The following ABCA8 variants were observed in gnomAD, a reference collection of about 807,000 sequenced individuals.
The protein encoded by ABCA8 is ABC-type organic anion transporter ABCA8.
In ABCA8, 177 loss-of-function variants were observed where a neutral mutation model predicts 192.3. The ratio of observed to expected loss-of-function variants is 0.92; its 90% CI spans 0.81 to 1.04. ABCA8 has a LOEUF of 1.04. ABCA8 is among the 50% of genes least tolerant of loss of function. The probability of loss-of-function intolerance (pLI) is 0.00; values close to 1 mark genes in which losing one functional copy is unlikely to be tolerated. For synonymous variants in ABCA8, 642 were observed against 690.2 expected, an observed-to-expected ratio of 0.93 and a Z score of 1.09; for missense variants, 1,915 against 1,904.8, an observed-to-expected ratio of 1.01 and a Z score of -0.10.
chr17:68,951,831 G>A (rs1156822387), intron 1 of ABCA8, among the ~76,000 whole-genome samples: 1 of 152,094 alleles, frequency 6.6e-6, no homozygotes, highest in Non-Finnish European at 1.5e-5. Context: ...AACTATCAAT[G>A]CATTATGTTT....
intron 24 of ABCA8, among the ~76,000 whole-genome samples, chr17:68,890,391 T>C (rs1339512542): frequency 6.6e-6 from 1 of 152,242 alleles, no homozygotes; most frequent in African/African-American, 2.4e-5. Flanking sequence ...AAAAATTAGG[T>C]TATCCTCTAT....
chr17:68,944,359 T>TACATACATAC (rs1555619474), intron 2 of ABCA8, among the ~76,000 whole-genome samples: 7 of 69,464 alleles, frequency 1.0e-4, no homozygotes, highest in African/African-American at 3.8e-4. Context: ...TATATATATA[T>TACATACATAC]ACACATATAC....
At position 68,919,462 on chromosome 17, in the gene ABCA8, A is replaced by G. The variant is rs1253080716; in HGVS notation, c.1627T>C (p.Tyr543His). ...SVPTKGSVTIYNNKLSEMADL... is the reference protein window; with the variant it reads ...SVPTKGSVTIHNNKLSEMADL... ...GCCATTTCTGAAAGCTTATTGTTAT[A>G]GATGGTGACTGAACCTGTAACAAAG... Residue 543 changes from tyrosine to histidine, a missense_variant, in exon 14 of 40, where the codon TAT becomes CAT. By Grantham distance (83) the Tyr-to-His change is moderately conservative. Transcript: ENST00000586539. 3 of 1,613,468 alleles carry G rather than the reference A, an allele frequency of 1.9e-6. No individual in the cohort carries two copies. Among genetic ancestry groups the G allele is most frequent in the Admixed American group, 1.7e-5 (1 of 59,904 alleles).
rs1389620170 is a variant in ABCA8 at position 68,877,628 on chromosome 17, A to G, written c.4090T>C (p.Cys1364Arg). ...GGCCACAGCGCGTTCTCCTGAGGGC[A>G]GTACCCCAGGAACTCCAGGGCATCC... ...GGDALEFLGY[C>R]PQENALWPNL... The change falls in exon 33 of 40, where the codon TGC (cysteine) becomes CGC (arginine). Residue 1364 changes from cysteine to arginine, a missense_variant. By Grantham distance (180) the Cys-to-Arg change is radical. Transcript: ENST00000586539. 8.7e-6 allele frequency: 14 copies of G among 1,613,836 alleles called. No individual in the cohort carries two copies. The highest frequency in any genetic ancestry group is 1.7e-5 in the Admixed American group (1 of 60,002).
Position 68,885,310 on chromosome 17 carries a change from A to T in ABCA8, c.3435T>A (p.Thr1145=), listed in dbSNP as rs1416285580. Residue 1145 remains threonine (T), a synonymous_variant, in exon 27 of 40, where the codon ACT becomes ACA. Coordinates refer to ENST00000586539, the MANE Select transcript of ABCA8 (RefSeq NM_001288985.2). ...ACGCAAATCCAGCCACAGAGAATAC[A>T]GTGACCTAAAAGAAGCAAATATGAA... ...GIWSFCFYVV[T]VFSVAGFAFS... is the part of the protein sequence containing the mutation. 1.9e-6 allele frequency: 3 copies of T among 1,609,862 alleles called. No homozygotes were observed. Among genetic ancestry groups the T allele is most frequent in the Non-Finnish European group, 2.5e-6 (3 of 1,178,656 alleles).
chr17:68,903,166 C>T, intron 20 of ABCA8, 135 bp downstream of exon 20: 6 of 960,368 alleles, frequency 6.2e-6, no homozygotes, highest in East Asian at 2.5e-5. Context: ...TCCTGTGCTT[C>T]TTCCACTGTG....
Position 68,919,402 on chromosome 17 carries a change from A to C in ABCA8, c.1687T>G (p.Cys563Gly), listed in dbSNP as rs778481005. ...LENLSKLTGV[C>G]PQSNVQFDFL... ...TCAAATTGCACATTGGATTGTGGAC[A>C]AACTCCGGTCAGCTTGCTGAGATTT... The change falls in exon 14 of 40, where the codon TGT (cysteine) becomes GGT (glycine). Residue 563 changes from cysteine to glycine, a missense_variant. By Grantham distance (159) the Cys-to-Gly change is radical. Coordinates refer to ENST00000586539, the MANE Select transcript of ABCA8 (RefSeq NM_001288985.2). 3 of 1,614,104 alleles carry C rather than the reference A, an allele frequency of 1.9e-6. No homozygotes were observed. In the East Asian group the frequency reaches 6.7e-5, roughly 36 times the overall value.
intron 21 of ABCA8, among the ~76,000 whole-genome samples, chr17:68,898,914 C>T (rs2066834348): frequency 1.3e-5 from 2 of 151,878 alleles, no homozygotes; most frequent in African/African-American, 2.4e-5. Flanking sequence ...TACATTGGTA[C>T]AATTATTACT....
chr17:68,915,812 A>G (rs2067343044), intron 17 of ABCA8, among the ~76,000 whole-genome samples: 1 of 152,160 alleles, frequency 6.6e-6, no homozygotes, highest in South Asian at 2.1e-4. Context: ...ATGTCAAGGA[A>G]ATATCTGCAC....
chr17:68,870,902 A>C (rs1212513040), intron 37 of ABCA8, among the ~76,000 whole-genome samples: 1 of 152,110 alleles, frequency 6.6e-6, no homozygotes, highest in Non-Finnish European at 1.5e-5. Flanking sequence ...TATTTTTGAT[A>C]TTTTGAGAAT....
At chr17:68,933,559 T>C (rs1194070764) in intron 5 of ABCA8, among the ~76,000 whole-genome samples, 1 of 152,198 alleles carries the variant, frequency 6.6e-6, no homozygotes, top group Non-Finnish European at 1.5e-5. Flanking sequence ...AAGAATTTTG[T>C]TGGTCTCTTC....
At chr17:68,870,948 T>G (rs1238195673) in intron 37 of ABCA8, among the ~76,000 whole-genome samples, 1 of 152,212 alleles carries the variant, frequency 6.6e-6, no homozygotes. Context: ...TGCACCATTT[T>G]GCATTTCTAC....
chr17:68,906,790 T>C (rs1218778451), intron 18 of ABCA8, among the ~76,000 whole-genome samples: 1 of 152,198 alleles, frequency 6.6e-6, no homozygotes, highest in Non-Finnish European at 1.5e-5. Context: ...TTATATCTAT[T>C]CATTCTTTAG....
At position 68,915,011 on chromosome 17, in the gene ABCA8, A is replaced by C. The variant is rs2067319778; in HGVS notation, c.2138+2350T>G. On this transcript the variant is annotated intron_variant, in intron 17 of 39. Transcript: ENST00000586539. ...ATACATCTACAGTAAACTCATTTTCAACAAAGGACCAGGAATATACATTGG... is the reference window on the plus strand; with the variant it reads ...ATACATCTACAGTAAACTCATTTTCCACAAAGGACCAGGAATATACATTGG... Among the ~76,000 whole-genome samples, 2 of 152,108 alleles carry C rather than the reference A, an allele frequency of 1.3e-5. 1 individual carries two copies. The highest frequency in any genetic ancestry group is 1.3e-4 in the Admixed American group (2 of 15,282).
intron 32 of ABCA8, chr17:68,880,818 T>C (rs1598190838): frequency 2.6e-6 from 1 of 388,162 alleles, no homozygotes; most frequent in East Asian, 6.1e-5. Flanking sequence ...ATGAACAGAG[T>C]GCAGCCTGCT....
At chr17:68,886,402 C>G (rs547454331) in intron 26 of ABCA8, among the ~76,000 whole-genome samples, 2 of 152,068 alleles carry the variant, frequency 1.3e-5, no homozygotes, top group Non-Finnish European at 2.9e-5. Flanking sequence ...GGTTTCTGTT[C>G]GTTATCTCTA....
At chr17:68,941,111 G>A (rs1380725520) in intron 3 of ABCA8, 149 bp from the exon 4 acceptor site, 2 of 638,000 alleles carry the variant, frequency 3.1e-6, no homozygotes, top group Non-Finnish European at 5.3e-6. Context: ...GAAAGTCAAT[G>A]TGTTTTAAGA....
chr17:68,902,719 T>C lies in ABCA8; in HGVS notation c.2758A>G (p.Lys920Glu). 1 of 1,612,846 alleles carries C rather than the reference T, an allele frequency of 6.2e-7. No individual in the cohort carries two copies. Reference sequence around the variant, plus strand: ...CAAGTATCCACCATTTTACCTGTTTTATTGATGATCAGTAGTTGAGTGAGA... The same window carrying C: ...CAAGTATCCACCATTTTACCTGTTTCATTGATGATCAGTAGTTGAGTGAGA... ...DPLTQLLIIN[K>E]TGASIDDFIQ... is the part of the protein sequence containing the mutation. The change falls in exon 21 of 40, where the codon AAA (lysine) becomes GAA (glutamate). Residue 920 changes from lysine (K) to glutamate (E), a missense_variant. Physicochemically the swap from Lys to Glu is moderately conservative, Grantham distance 56 (BLOSUM62 1). Coordinates refer to ENST00000586539, the MANE Select transcript of ABCA8 (RefSeq NM_001288985.2).
chr17:68,876,821 CG>C (rs1383031988), intron 33 of ABCA8, 118 bp from the exon 34 acceptor site: 2 of 1,219,004 alleles, frequency 1.6e-6, no homozygotes, highest in Non-Finnish European at 2.3e-6. Flanking sequence ...TACATGTGGT[CG>C]GGGGGCAGGG....
Sources: gnomAD v4.1 joint callset for allele counts (sites outside exome capture counted in the v4.1 genomes callset) on GRCh38, gnomAD v4.1.1 for gene constraint, MANE v1.5 for transcripts, NCBI Gene and HGNC (gene_info 2026-07-23, HGNC 2026-07-21) for gene names.